The following ZFC3H1 variants were observed in gnomAD, a reference collection of about 807,000 sequenced individuals.
ZFC3H1 encodes zinc finger C3H1 domain-containing protein.
Under a neutral mutation model 243.7 loss-of-function variants are expected in ZFC3H1, and 71 were observed. The observed-to-expected ratio is 0.29, with a 90% confidence interval of 0.24 to 0.36. The LOEUF (loss-of-function observed/expected upper bound fraction) is 0.36. Ranked by LOEUF, ZFC3H1 falls within the 10% of genes least tolerant of loss-of-function variation. The pLI, the probability that ZFC3H1 is intolerant of heterozygous loss-of-function variation, is 1.00. For missense variants in ZFC3H1, 1,966 were observed against 2,317.1 expected, an observed-to-expected ratio of 0.85 and a Z score of 3.11; for synonymous variants, 838 against 813.0, an observed-to-expected ratio of 1.03 and a Z score of -0.52.
chr12:71,642,298 AAAT>A (rs2137546073), intron 6 of ZFC3H1, 135 bp downstream of exon 6: 1 of 941,230 alleles, frequency 1.1e-6, no homozygotes, highest in Non-Finnish European at 1.5e-6. Flanking sequence ...TTACAACAAC[AAAT>A]AATGTCTATC....
Position 71,634,883 on chromosome 12 carries a change from C to T in ZFC3H1, c.2239-58G>A, listed in dbSNP as rs1880421925. On this transcript the variant is annotated intron_variant, in intron 10 of 34. Coordinates refer to ENST00000378743, the MANE Select transcript of ZFC3H1 (RefSeq NM_144982.5). ...ATCATCAGCTTTCCAAAATTCCATA[C>T]TAAGATTTATATTTTACATTGCAAC... The T allele has an allele frequency of 1.4e-5, 21 of 1,540,726 alleles. 1 individual carries two copies. The South Asian group carries it at 2.5e-4, about 18-fold the overall frequency.
intron 26 of ZFC3H1, among the ~76,000 whole-genome samples, chr12:71,619,611 A>G (rs1478657837): frequency 1.3e-5 from 2 of 152,198 alleles, no homozygotes; most frequent in African/African-American, 4.8e-5. Context: ...ATGATTAAAC[A>G]GCTTAACTTC....
intron 12 of ZFC3H1, among the ~76,000 whole-genome samples, chr12:71,633,845 A>G (rs910949161): frequency 1.1e-4 from 17 of 152,150 alleles, no homozygotes; most frequent in African/African-American, 4.1e-4. Context: ...TTTAGTAGAG[A>G]CAGGGTTTCA....
chr12:71,656,531 G>A, intron 2 of ZFC3H1: 2 of 661,176 alleles, frequency 3.0e-6, no homozygotes, highest in Non-Finnish European at 5.4e-6. Context: ...CCAGGAATAG[G>A]AGTAAAACCC....
chr12:71,610,326 T>C lies in ZFC3H1; in HGVS notation c.*102A>G. On this transcript the variant is annotated 3_prime_UTR_variant, in exon 35 of 35. Transcript: ENST00000378743. ...CTTGATATGATCAATAACGCTTGTCTGCCTTACACAGACCTTAGCCAGGGA... is the reference window on the plus strand; with the variant it reads ...CTTGATATGATCAATAACGCTTGTCCGCCTTACACAGACCTTAGCCAGGGA... 7.4e-7 allele frequency: 1 copy of C among 1,357,782 alleles called. No homozygotes were observed. 84.1% of individuals were successfully genotyped at this position (1,357,782 alleles called of 1,614,324 possible).
At chr12:71,623,994 T>G (rs1348762814) in intron 23 of ZFC3H1, 110 bp downstream of exon 23, 1 of 1,178,648 alleles carries the variant, frequency 8.5e-7, no homozygotes, top group Non-Finnish European at 1.2e-6. Context: ...AAAACAAGGA[T>G]TCAAATCCAA....
At position 71,650,498 on chromosome 12, in the gene ZFC3H1, GA is replaced by G. The variant is rs201020071; in HGVS notation, c.1016-2686del. 4.2e-4 allele frequency among the ~76,000 whole-genome samples: 64 copies of G among 152,136 alleles called. 2 individuals carry two copies. The East Asian group carries it at 0.01, about 24-fold the overall frequency. ...CACAGTATTTAAAATATTACCAACT[GA>G]AAGTCTAATGTGAGCCAAAGTCACC... On this transcript the variant is annotated intron_variant, in intron 2 of 34. Coordinates refer to ENST00000378743, the MANE Select transcript of ZFC3H1 (RefSeq NM_144982.5).
At chr12:71,612,181 AT>A (rs150448582) in intron 31 of ZFC3H1, among the ~76,000 whole-genome samples, 8,827 of 151,414 alleles carry the variant, frequency 0.058, 357 homozygotes, top group South Asian at 0.087. Flanking sequence ...TCCCACCCCA[AT>A]TTTTTTTTAA....
intron 5 of ZFC3H1, 115 bp downstream of exon 5, chr12:71,643,980 C>T: frequency 2.2e-6 from 2 of 900,756 alleles, no homozygotes; most frequent in Non-Finnish European, 3.3e-6. Context: ...AACCTACCTT[C>T]CTTTTTTCCA....
At position 71,644,319 on chromosome 12, in the gene ZFC3H1, C is replaced by T. The variant is rs1449583241; in HGVS notation, c.1280-1G>A. On this transcript the variant is annotated splice_acceptor_variant, in intron 4 of 34. Coordinates refer to ENST00000378743, the MANE Select transcript of ZFC3H1 (RefSeq NM_144982.5). LOFTEE classifies it high-confidence loss of function. ...TGCTGCTTCCTCAATGCTTGTTTAG[C>T]TTTAAATAAAAAACACATAAACATT... 1 of 1,609,998 alleles carries T rather than the reference C, an allele frequency of 6.2e-7. No homozygotes were observed. The highest frequency in any genetic ancestry group is 8.5e-7 in the Non-Finnish European group (1 of 1,179,234).
chr12:71,633,557 A>C, intron 12 of ZFC3H1, 119 bp from the exon 13 acceptor site: 1 of 731,298 alleles, frequency 1.4e-6, no homozygotes, highest in African/African-American at 1.8e-5. Flanking sequence ...GACACAGATA[A>C]AAATGTAAAG....
At chr12:71,632,827 A>G in intron 14 of ZFC3H1, 59 bp downstream of exon 14, 2 of 1,591,660 alleles carry the variant, frequency 1.3e-6, no homozygotes, top group Non-Finnish European at 1.7e-6. Context: ...TCTTACCCTT[A>G]AAACTATCAT....
chr12:71,613,720 C>G, intron 30 of ZFC3H1: 1 of 241,866 alleles, frequency 4.1e-6, no homozygotes, highest in Non-Finnish European at 8.0e-6. Flanking sequence ...CTGTATAGCT[C>G]GGCAAGTCAT....
chr12:71,619,655 A>C (rs1409545817), intron 26 of ZFC3H1, among the ~76,000 whole-genome samples: 1 of 152,152 alleles, frequency 6.6e-6, no homozygotes, highest in Non-Finnish European at 1.5e-5. Flanking sequence ...TCATCCACCA[A>C]TTATGTATTA....
rs1396655838 is a variant in ZFC3H1 at position 71,636,889 on chromosome 12, T to C, written c.1896A>G (p.Leu632=). The change falls in exon 8 of 35, where the codon CTA becomes CTG. Residue 632 remains leucine (L), a synonymous_variant. Coordinates refer to ENST00000378743, the MANE Select transcript of ZFC3H1 (RefSeq NM_144982.5). Reference sequence around the variant, plus strand: ...CTCTTTTATTTGCTAGAGATTTAAGTAGTTCTTCTCGAAGCAGCATTTCTT... The same window carrying C: ...CTCTTTTATTTGCTAGAGATTTAAGCAGTTCTTCTCGAAGCAGCATTTCTT... ...EEEEMLLREE[L]LKSLANKRAF... 2.5e-6 allele frequency: 4 copies of C among 1,613,902 alleles called. No individual in the cohort carries two copies. The highest frequency in any genetic ancestry group is 1.3e-5 in the African/African-American group (1 of 74,886).
At position 71,629,679 on chromosome 12, in the gene ZFC3H1, G is replaced by A; in HGVS notation, c.3756C>T (p.Asn1252=). The part of the protein sequence containing the change: ...EKYVEKLFGV[N]KDRMSMDQMA... ...TCTGGTCCATTGACATTCGATCTTT[G>A]TTTACTCCAAAAAGTTTCTCAACAT... Residue 1252 remains asparagine, a synonymous_variant, in exon 19 of 35, where the codon AAC becomes AAT. Transcript: ENST00000378743. The A allele has an allele frequency of 6.2e-7, 1 of 1,612,406 alleles. No individual in the cohort carries two copies. Among genetic ancestry groups the A allele is most frequent in the East Asian group, 2.2e-5 (1 of 44,810 alleles).
intron 2 of ZFC3H1, among the ~76,000 whole-genome samples, chr12:71,653,302 G>C (rs545037429): frequency 4.6e-4 from 70 of 152,260 alleles, no homozygotes; most frequent in African/African-American, 1.7e-3. Context: ...GCAGAAGAGA[G>C]AATCAGTAAA....
chr12:71,661,031 C>T (rs1415887783), intron 1 of ZFC3H1, among the ~76,000 whole-genome samples: 1 of 151,720 alleles, frequency 6.6e-6, no homozygotes, highest in Non-Finnish European at 1.5e-5. Context: ...TGGCTGGGCA[C>T]GGTGGCTCAT....
Position 71,642,549 on chromosome 12 carries a change from G to C in ZFC3H1, c.1514C>G (p.Pro505Arg). ...KRRSRSKSSDPDLRRSLDKQP... is the reference protein window; with the variant it reads ...KRRSRSKSSDRDLRRSLDKQP... The stretch of plus-strand genomic sequence containing the variant: ...CTTATCTAAGGATCGCCTCAGGTCA[G>C]GATCTGAAGACTAAGTATACAACAC... Residue 505 changes from proline to arginine, a missense_variant, in exon 6 of 35, where the codon CCT becomes CGT. Pro to Arg is a moderately radical substitution (Grantham distance 103). Coordinates refer to ENST00000378743, the MANE Select transcript of ZFC3H1 (RefSeq NM_144982.5). 1 of 1,609,146 alleles carries C rather than the reference G, an allele frequency of 6.2e-7. No homozygotes were observed. Among genetic ancestry groups the C allele is most frequent in the Non-Finnish European group, 8.5e-7 (1 of 1,178,072 alleles).
Sources: allele counts gnomAD v4.1 joint callset (sites outside exome capture counted in the v4.1 genomes callset), GRCh38; gene constraint gnomAD v4.1.1; transcripts MANE v1.5; gene names NCBI Gene and HGNC (gene_info 2026-07-23, HGNC 2026-07-21).